Variants in BRD3 observed in about 807,000 individuals in gnomAD.
BRD3 encodes the protein bromodomain-containing protein 3.
A neutral mutation model predicts 66.8 loss-of-function variants in BRD3; 17 were observed. The ratio of observed to expected loss-of-function variants is 0.25; its 90% CI spans 0.17 to 0.38. The LOEUF (loss-of-function observed/expected upper bound fraction) is 0.38, where lower values mean the gene tolerates loss of function less well. Ranked by LOEUF, BRD3 falls within the 10% of genes least tolerant of loss-of-function variation. The pLI, the probability that BRD3 is intolerant of heterozygous loss-of-function variation, is 1.00. For synonymous variants in BRD3, 421 were observed against 393.2 expected (o/e 1.07, Z -0.84); for missense variants, 713 against 956.1 (o/e 0.75, Z 3.35).
At chr9:134,039,991 C>T (rs373806693) in intron 9 of BRD3, 43 bp downstream of exon 9, 3 of 1,552,042 alleles carry the variant, frequency 1.9e-6, no homozygotes, top group Non-Finnish European at 1.7e-6. Context: ...CCATGGCGTG[C>T]TGAGCGCTGG....
chr9:134,051,682 G>C lies in BRD3; in HGVS notation c.379C>G (p.Gln127Glu). ...KPTDDIVLMA[Q>E]ALEKIFLQKV... Reference sequence around the variant, plus strand: ...TGTAGAAAAATTTTCTCTAAAGCTTGGGCCATTAGCACTATGTCATCTGTG... The same window carrying C: ...TGTAGAAAAATTTTCTCTAAAGCTTCGGCCATTAGCACTATGTCATCTGTG... Residue 127 changes from glutamine to glutamate, a missense_variant, in exon 4 of 12, where the codon CAA (glutamine) becomes GAA (glutamate). By Grantham distance (29) the Gln-to-Glu change is conservative (BLOSUM62 2). Transcript: ENST00000303407. 1 of 1,590,232 alleles carries C rather than the reference G, an allele frequency of 6.3e-7. No homozygotes were observed. Among genetic ancestry groups the C allele is most frequent in the Non-Finnish European group, 8.5e-7 (1 of 1,171,828 alleles).
rs1014119699 is a variant in BRD3, at chr9:134,053,408, G to T, written c.70C>A (p.Pro24Thr). ...ATPGPVNPPP[P>T]EVSNPSKPGR... ...GGCTTGCTGGGGTTGGAGACCTCCG[G>T]GGGGGGTGGGTTCACAGGGCCCGGG... The change falls in exon 2 of 12, where the codon CCG becomes ACG. Residue 24 changes from proline (P) to threonine (T), a missense_variant. By Grantham distance (38) the Pro-to-Thr change is conservative. Transcript: ENST00000303407. 1 of 1,612,208 alleles carries T rather than the reference G, an allele frequency of 6.2e-7. No individual in the cohort carries two copies. Among genetic ancestry groups the T allele is most frequent in the East Asian group, 2.2e-5 (1 of 44,874 alleles).
intron 1 of BRD3, among the ~76,000 whole-genome samples, chr9:134,066,561 G>C (rs1007642514): frequency 1.4e-5 from 1 of 71,400 alleles, no homozygotes; most frequent in Non-Finnish European, 2.7e-5. Context: ...CATGGACCCA[G>C]GAAAAAAAAA....
At chr9:134,035,688 C>T (rs920682399) in intron 10 of BRD3, among the ~76,000 whole-genome samples, 5 of 152,230 alleles carry the variant, frequency 3.3e-5, no homozygotes, top group African/African-American at 1.2e-4. Flanking sequence ...GTGAGGACCC[C>T]AACTGGGCCC....
rs564448539 is a variant in BRD3, at chr9:134,042,648, C to T, written c.1216-697G>A. Among the ~76,000 whole-genome samples the T allele has an allele frequency of 1.6e-3, 80 of 49,610 alleles. 1 individual carries two copies. The highest frequency in any genetic ancestry group is 5.6e-3 in the African/African-American group (53 of 9,446). 32.5% of individuals were successfully genotyped at this position (49,610 alleles called of 152,430 possible). A position where few individuals can be genotyped will look rare whatever the true frequency, so the allele number is the denominator to read the frequency against. ...TGAGACCCTGCCTCAAATATATATA[C>T]ACACACACACACACACACACACATA... On this transcript the variant is annotated intron_variant, in intron 7 of 11. Coordinates refer to ENST00000303407, the MANE Select transcript of BRD3 (RefSeq NM_007371.4).
chr9:134,033,692 TGAGCCGGGCTTC>T lies in BRD3; in HGVS notation c.2067_2078del (p.Lys690_Ser693del), dbSNP rs748745510. ...GCCTGGACGGGCCCCCTGAGGGTGC[TGAGCCGGGCTTC>T]TCTGTGGAGACATGGGCAGGGAGAT... On this transcript the variant is annotated inframe_deletion and splice_region_variant, in exon 12 of 12. Transcript: ENST00000303407. The surrounding 1 kb of genome is among the most constrained non-coding windows in gnomAD (Gnocchi z 5.1). 1.3e-6 allele frequency: 1 copy of T among 748,754 alleles called. No individual in the cohort carries two copies. Among genetic ancestry groups the T allele is most frequent in the Non-Finnish European group, 2.5e-6 (1 of 404,490 alleles). 46.4% of individuals were successfully genotyped at this position (748,754 alleles called of 1,614,324 possible). A position where few individuals can be genotyped will look rare whatever the true frequency, so the allele number is the denominator to read the frequency against.
Position 134,048,049 on chromosome 9 carries a change from T to A in BRD3, c.1086+34A>T, listed in dbSNP as rs759314625. The A allele has an allele frequency of 5.3e-6, 8 of 1,521,220 alleles. No individual in the cohort carries two copies. The South Asian group carries it at 1.0e-4, about 20-fold the overall frequency. The allele number at this position is 1,521,220 out of a possible 1,614,324, so 94.2% of individuals were successfully genotyped here. On this transcript the variant is annotated intron_variant, in intron 6 of 11. Transcript: ENST00000303407. ...GCACCCACGGCAGAGCCGCAGGACA[T>A]GGGCAGAGCAGGGCCTGCCGCGCGG... is the stretch of plus-strand genomic sequence containing the variant.
Position 134,031,920 on chromosome 9 carries a change from C to T in BRD3, c.*1670G>A, listed in dbSNP as rs1016310295. The T allele has an allele frequency of 2.3e-5, 5 of 219,100 alleles. No homozygotes were observed. Among genetic ancestry groups the T allele is most frequent in the Non-Finnish European group, 3.7e-5 (4 of 108,934 alleles). The allele number at this position is 219,100 out of a possible 1,614,324, so 13.6% of individuals were successfully genotyped here. On this transcript the variant is annotated 3_prime_UTR_variant, in exon 12 of 12. Coordinates refer to ENST00000303407, the MANE Select transcript of BRD3 (RefSeq NM_007371.4). Reference sequence around the variant, plus strand: ...GTCATTTCCGGACTAACTGTGACAACGCGTGAGCAGGGAGCACCGTGCGAG... The same window carrying T: ...GTCATTTCCGGACTAACTGTGACAATGCGTGAGCAGGGAGCACCGTGCGAG...
intron 9 of BRD3, among the ~76,000 whole-genome samples, chr9:134,038,695 ACTGT>A (rs1829979735): frequency 6.6e-6 from 1 of 152,140 alleles, no homozygotes; most frequent in Non-Finnish European, 1.5e-5. Context: ...AAAATCTGAA[ACTGT>A]CTGAGTCTTA....
intron 1 of BRD3, chr9:134,056,899 G>A (rs1274413892): frequency 6.6e-6 from 1 of 152,356 alleles, no homozygotes; most frequent in Non-Finnish European, 1.5e-5. Flanking sequence ...AGCACAGTGG[G>A]TGGACAGGCT....
chr9:134,039,499 C>A (rs891168052), intron 9 of BRD3, among the ~76,000 whole-genome samples: 5 of 152,212 alleles, frequency 3.3e-5, no homozygotes, highest in African/African-American at 1.2e-4. Context: ...GTTGCCTCCC[C>A]CTTGGGAAGC....
intron 1 of BRD3, among the ~76,000 whole-genome samples, chr9:134,056,419 T>C (rs1348907335): frequency 6.6e-6 from 1 of 152,144 alleles, no homozygotes; most frequent in Non-Finnish European, 1.5e-5. Flanking sequence ...ACCTCTCCTC[T>C]CCTGGAACAC....
rs1375404399 is a variant in BRD3 at position 134,045,821 on chromosome 9, A to G, written c.1087-400T>C. ...CCCAGGGGGCGTGAGGCTGCAGCAAAGTCAGACTCCACCAACAACAGGGGG... is the reference window on the plus strand; with the variant it reads ...CCCAGGGGGCGTGAGGCTGCAGCAAGGTCAGACTCCACCAACAACAGGGGG... On this transcript the variant is annotated intron_variant, in intron 6 of 11. Coordinates refer to ENST00000303407, the MANE Select transcript of BRD3 (RefSeq NM_007371.4). This position sits in a 1 kb window ranked among gnomAD's most constrained non-coding sequence, Gnocchi z 4.8. Among the ~76,000 whole-genome samples the G allele has an allele frequency of 2.6e-5, 4 of 152,150 alleles. No homozygotes were observed. Among genetic ancestry groups the G allele is most frequent in the Non-Finnish European group, 5.9e-5 (4 of 68,012 alleles).
chr9:134,031,496 G>A lies in BRD3; in HGVS notation c.*2094C>T, dbSNP rs1588266980. 5.0e-6 allele frequency: 1 copy of A among 200,194 alleles called. No homozygotes were observed. Among genetic ancestry groups the A allele is most frequent in the Non-Finnish European group, 1.0e-5 (1 of 97,316 alleles). 12.4% of individuals were successfully genotyped at this position (200,194 alleles called of 1,614,324 possible). A position where few individuals can be genotyped will look rare whatever the true frequency, so the allele number is the denominator to read the frequency against. ...AAAGATCTGTTTAGAAAATACCTTT[G>A]AAAACGAGGGTAACTTTAAAAAATG... On this transcript the variant is annotated 3_prime_UTR_variant, in exon 12 of 12. Transcript: ENST00000303407.
At chr9:134,044,458 G>A (rs1015692234) in intron 7 of BRD3, among the ~76,000 whole-genome samples, 1 of 152,146 alleles carries the variant, frequency 6.6e-6, no homozygotes, top group African/African-American at 2.4e-5. Flanking sequence ...TCTGGGTCCC[G>A]TGAAAAGGAA....
intron 6 of BRD3, among the ~76,000 whole-genome samples, chr9:134,047,762 G>A (rs2132414681): frequency 6.6e-6 from 1 of 152,364 alleles, no homozygotes; most frequent in African/African-American, 2.4e-5. Flanking sequence ...CCAACTGTGA[G>A]AGTGGCCCAG....
At chr9:134,062,976 A>G (rs1210008871) in intron 1 of BRD3, among the ~76,000 whole-genome samples, 1 of 152,170 alleles carries the variant, frequency 6.6e-6, no homozygotes, top group African/African-American at 2.4e-5. Context: ...CGGCAGGCCC[A>G]CCTAGCATCC....
chr9:134,035,182 C>A (rs182852372), intron 10 of BRD3, among the ~76,000 whole-genome samples: 1 of 152,332 alleles, frequency 6.6e-6, no homozygotes, highest in Non-Finnish European at 1.5e-5. Context: ...ATTCATGGAC[C>A]TGCCTCACCA....
intron 7 of BRD3, among the ~76,000 whole-genome samples, chr9:134,043,436 C>T (rs1260126897): frequency 1.3e-5 from 2 of 152,204 alleles, no homozygotes; most frequent in African/African-American, 4.8e-5. Context: ...GCTCAGAAAC[C>T]TGAATCCACA....
Sources: gnomAD v4.1 joint callset for allele counts (sites outside exome capture counted in the v4.1 genomes callset) on GRCh38, gnomAD v4.1.1 for gene constraint, Gnocchi (gnomAD v3.1) non-coding constraint, MANE v1.5 for transcripts, NCBI Gene and HGNC (gene_info 2026-07-23, HGNC 2026-07-21) for gene names.